The following TSPAN2 variants were observed in gnomAD, a reference collection of about 807,000 sequenced individuals.
TSPAN2 encodes the protein tetraspanin 2.
TSPAN2 carries 24 observed loss-of-function variants against 33.3 expected under a neutral mutation model. That is an observed-to-expected ratio of 0.72 (90% CI 0.52 to 1.01). The LOEUF (loss-of-function observed/expected upper bound fraction) is 1.01, where lower values mean the gene tolerates loss of function less well. TSPAN2 is among the 50% of genes least tolerant of loss of function. TSPAN2 has a pLI of 0.00. For missense variants in TSPAN2, 278 were observed against 281.3 expected (o/e 0.99, Z 0.08); for synonymous variants, 114 against 104.5 (o/e 1.09, Z -0.56).
intron 6 of TSPAN2, 58 bp downstream of exon 6, chr1:115,057,479 C>T: frequency 6.6e-7 from 1 of 1,525,788 alleles, no homozygotes; most frequent in Admixed American, 1.7e-5. Context: ...CCTTCAATGG[C>T]TTCCTAAGCT....
chr1:115,062,297 T>C, intron 2 of TSPAN2, 65 bp from the exon 3 acceptor site: 1 of 1,284,592 alleles, frequency 7.8e-7, no homozygotes. Context: ...CCAACTAGGC[T>C]TAAGACTCTG....
chr1:115,059,918 C>T (rs2101027579), intron 4 of TSPAN2, among the ~76,000 whole-genome samples: 1 of 152,322 alleles, frequency 6.6e-6, no homozygotes, highest in Non-Finnish European at 1.5e-5. Flanking sequence ...CCATTCCATT[C>T]TCTTCTATCC....
chr1:115,051,831 C>G (rs1320475881), intron 7 of TSPAN2, among the ~76,000 whole-genome samples: 1 of 152,190 alleles, frequency 6.6e-6, no homozygotes, highest in Non-Finnish European at 1.5e-5. Flanking sequence ...ACACCCAATG[C>G]ACTTTTAGTT....
rs552757566 is a variant in TSPAN2 at position 115,057,235 on chromosome 1, A to G, written c.516+302T>C. ...CTCCCTCAGCTCCATAAATGACACC[A>G]TCATCTATGTAGGTGGTGAAGCCAA... On this transcript the variant is annotated intron_variant, in intron 6 of 7. Transcript: ENST00000369516. Among the ~76,000 whole-genome samples, 7 of 152,214 alleles carry G rather than the reference A, an allele frequency of 4.6e-5. No homozygotes were observed. In the East Asian group the frequency reaches 1.4e-3, roughly 29 times the overall value.
intron 2 of TSPAN2, among the ~76,000 whole-genome samples, chr1:115,068,016 G>C (rs1648016748): frequency 6.6e-6 from 1 of 152,166 alleles, no homozygotes; most frequent in African/African-American, 2.4e-5. Context: ...ACAAGGTCTA[G>C]GCAACACGGA....
At chr1:115,050,819 C>T (rs543348851) in intron 7 of TSPAN2, among the ~76,000 whole-genome samples, 24 of 152,134 alleles carry the variant, frequency 1.6e-4, no homozygotes, top group Non-Finnish European at 2.9e-4. Flanking sequence ...ATTATAGAAC[C>T]GTTCTGAATA....
At chr1:115,052,842 A>T (rs1253120064) in intron 7 of TSPAN2, among the ~76,000 whole-genome samples, 1 of 152,152 alleles carries the variant, frequency 6.6e-6, no homozygotes, top group Non-Finnish European at 1.5e-5. Flanking sequence ...ATCCCATTTA[A>T]TTTTCACGGC....
chr1:115,056,319 A>C lies in TSPAN2; in HGVS notation c.516+1218T>G, dbSNP rs112935019. ...CCTTGGCTCAAATCGAAACTTCTTG[A>C]AAGGATGCTCTCTCTCCTCACATCT... is the stretch of plus-strand genomic sequence containing the variant. On this transcript the variant is annotated intron_variant, in intron 6 of 7. Transcript: ENST00000369516. 3.4e-3 allele frequency among the ~76,000 whole-genome samples: 514 copies of C among 152,252 alleles called. 4 individuals carry two copies. Among genetic ancestry groups the C allele is most frequent in the African/African-American group, 0.012 (485 of 41,572 alleles).
intron 1 of TSPAN2, among the ~76,000 whole-genome samples, chr1:115,073,596 A>G (rs1289038932): frequency 6.6e-6 from 1 of 150,782 alleles, no homozygotes; most frequent in East Asian, 1.9e-4. Context: ...CCACCATCCT[A>G]TATGGTCACT....
At chr1:115,073,119 T>G (rs1220262091) in intron 1 of TSPAN2, 112 bp from the exon 2 acceptor site, 1 of 848,000 alleles carries the variant, frequency 1.2e-6, no homozygotes, top group Non-Finnish European at 2.0e-6. Context: ...GGAAATCACT[T>G]AGACCACCTT....
chr1:115,059,253 C>T (rs1266188795), intron 4 of TSPAN2, among the ~76,000 whole-genome samples: 1 of 147,048 alleles, frequency 6.8e-6, no homozygotes, highest in Non-Finnish European at 1.5e-5. Flanking sequence ...AACCAAACAC[C>T]ACCTGTTCCC....
At chr1:115,065,993 G>A (rs1409978699) in intron 2 of TSPAN2, among the ~76,000 whole-genome samples, 1 of 152,152 alleles carries the variant, frequency 6.6e-6, no homozygotes, top group Non-Finnish European at 1.5e-5. Context: ...GTGAGATCAT[G>A]TGATATCTGC....
intron 1 of TSPAN2, among the ~76,000 whole-genome samples, chr1:115,073,543 G>A (rs1648276695): frequency 7.2e-6 from 1 of 138,460 alleles, no homozygotes; most frequent in South Asian, 2.5e-4. Flanking sequence ...TGAGTGCACA[G>A]TCCCCAAATA....
At chr1:115,067,193 C>T (rs1320194408) in intron 2 of TSPAN2, among the ~76,000 whole-genome samples, 1 of 152,216 alleles carries the variant, frequency 6.6e-6, no homozygotes, top group Admixed American at 6.5e-5. Flanking sequence ...CCTATGCTTT[C>T]GTTTTAGCAG....
chr1:115,061,314 T>A (rs1647709417), intron 3 of TSPAN2, among the ~76,000 whole-genome samples: 4 of 152,252 alleles, frequency 2.6e-5, no homozygotes, highest in Admixed American at 2.6e-4. Context: ...TCTCTCCTCC[T>A]GCCCCTCTTC....
chr1:115,057,461 A>C, intron 6 of TSPAN2, 76 bp downstream of exon 6: 2 of 1,407,084 alleles, frequency 1.4e-6, no homozygotes, highest in Non-Finnish European at 2.0e-6. Context: ...ATCCCATCCG[A>C]GATTCTACCT....
At chr1:115,077,744 G>A (rs116376214) in intron 1 of TSPAN2, among the ~76,000 whole-genome samples, 8 of 152,260 alleles carry the variant, frequency 5.3e-5, no homozygotes, top group Non-Finnish European at 7.4e-5. Context: ...GTCCTATCTT[G>A]AGGACATATT....
chr1:115,072,754 T>G, intron 2 of TSPAN2, 151 bp downstream of exon 2: 1 of 670,534 alleles, frequency 1.5e-6, no homozygotes, highest in Non-Finnish European at 2.6e-6. Context: ...GCTACACCAG[T>G]GCACAGGGGC....
intron 2 of TSPAN2, among the ~76,000 whole-genome samples, chr1:115,065,447 G>A (rs547148210): frequency 9.5e-4 from 145 of 152,240 alleles, no homozygotes; most frequent in African/African-American, 3.3e-3. Flanking sequence ...CATGCTTTCC[G>A]AGTCCTATTG....
Sources: allele counts gnomAD v4.1 joint callset (sites outside exome capture counted in the v4.1 genomes callset), GRCh38; gene constraint gnomAD v4.1.1; transcripts MANE v1.5; gene names NCBI Gene and HGNC (gene_info 2026-07-23, HGNC 2026-07-21).